Variants in LPA observed in about 807,000 individuals in gnomAD.
The protein encoded by LPA is apolipoprotein(a).
LPA carries 199 observed loss-of-function variants against 197.9 expected under a neutral mutation model. That is an observed-to-expected ratio of 1.01 (90% CI 0.90 to 1.13). The LOEUF is 1.13. Ranked by LOEUF, LPA falls within the 50% of genes most tolerant of loss-of-function variation. The pLI is 0.00. For synonymous variants in LPA, 715 were observed against 639.5 expected (o/e 1.12, Z -1.78); for missense variants, 1,853 against 1,785.8 (o/e 1.04, Z -0.68).
intron 37 of LPA, among the ~76,000 whole-genome samples, chr6:160,537,148 G>A (rs150380690): frequency 6.6e-6 from 1 of 152,310 alleles, no homozygotes; most frequent in Non-Finnish European, 1.5e-5. Flanking sequence ...AGGGGGTAAG[G>A]CTGACGGATA....
chr6:160,599,248 C>A (rs542727680), intron 20 of LPA, among the ~76,000 whole-genome samples: 6 of 152,230 alleles, frequency 3.9e-5, no homozygotes, highest in South Asian at 2.1e-4. Flanking sequence ...GAGGCTGAAG[C>A]AGGAGAATGG....
intron 2 of LPA, among the ~76,000 whole-genome samples, chr6:160,647,078 T>C (rs999945614): frequency 6.6e-6 from 1 of 152,226 alleles, no homozygotes; most frequent in Admixed American, 6.5e-5. Flanking sequence ...CCAGGCAGAA[T>C]GCAGTATCTC....
At position 160,563,558 on chromosome 6, in the gene LPA, C is replaced by T. The variant is rs1186031880; in HGVS notation, c.4632-5987G>A. Among the ~76,000 whole-genome samples, 4 of 152,176 alleles carry T rather than the reference C, an allele frequency of 2.6e-5. No individual in the cohort carries two copies. The East Asian group carries it at 5.8e-4, about 22-fold the overall frequency. ...TGTATATTCTGTTGATTTGTGGTGT[C>T]GAGTTCTGTAGATGTCTATTAGGTC... On this transcript the variant is annotated intron_variant, in intron 28 of 38. Coordinates refer to ENST00000316300, the MANE Select transcript of LPA (RefSeq NM_005577.4).
chr6:160,590,379 C>T lies in LPA; in HGVS notation c.3787+565G>A, dbSNP rs41272070. 3.7e-3 allele frequency among the ~76,000 whole-genome samples: 556 copies of T among 152,234 alleles called. 2 individuals are homozygous for T. The highest frequency in any genetic ancestry group is 6.0e-3 in the Non-Finnish European group (409 of 68,012). ...GGAGGGGCAAGAACACTAAGAAATC[C>T]CTTCCATCAAAGCCTAGGTGTGCAG... On this transcript the variant is annotated intron_variant, in intron 23 of 38. Transcript: ENST00000316300.
chr6:160,649,308 T>C (rs1779961614), intron 2 of LPA, among the ~76,000 whole-genome samples: 1 of 152,200 alleles, frequency 6.6e-6, no homozygotes, highest in Non-Finnish European at 1.5e-5. Flanking sequence ...CCATTGTAGT[T>C]GCTGCTCTTC....
intron 18 of LPA, among the ~76,000 whole-genome samples, chr6:160,603,050 C>A (rs953828468): frequency 3.1e-5 from 4 of 128,656 alleles, no homozygotes; most frequent in East Asian, 2.4e-4. Context: ...CTTCTTGAAT[C>A]TGTGGTTTTT....
intron 28 of LPA, among the ~76,000 whole-genome samples, chr6:160,576,458 G>A (rs1402356347): frequency 7.4e-6 from 1 of 135,596 alleles, no homozygotes. Context: ...ATATTTGTGT[G>A]TGTAAATGAA....
Position 160,545,381 on chromosome 6 carries a change from T to TG in LPA, c.5398+58_5398+59insC, listed in dbSNP as rs1778050416. 3.9e-6 allele frequency: 5 copies of TG among 1,298,064 alleles called. No homozygotes were observed. In the South Asian group the frequency reaches 4.7e-5, roughly 12 times the overall value. 80.4% of individuals were successfully genotyped at this position (1,298,064 alleles called of 1,614,324 possible). ...AGCCATTTTCTGTTTTTTTTGCTTT[T>TG]TTTTTTCCAAATCCATATTAAGGAA... On this transcript the variant is annotated intron_variant, in intron 33 of 38. Coordinates refer to ENST00000316300, the MANE Select transcript of LPA (RefSeq NM_005577.4).
At chr6:160,595,235 C>G (rs1316041024) in intron 21 of LPA, 119 bp downstream of exon 21, 2 of 1,301,358 alleles carry the variant, frequency 1.5e-6, no homozygotes, top group Middle Eastern at 1.8e-4. Context: ...GTGGCTGACC[C>G]TGAGTCCACA....
chr6:160,557,553 G>A lies in LPA; in HGVS notation c.4650C>T (p.Tyr1550=). 1 of 1,614,056 alleles carries A rather than the reference G, an allele frequency of 6.2e-7. No individual in the cohort carries two copies. The highest frequency in any genetic ancestry group is 8.5e-7 in the Non-Finnish European group (1 of 1,179,982). ...NYPNAGLTEN[Y]CRNPDSGKQP... is the part of the protein sequence containing the mutation. ...GTTTCCCAGAATCTGGATTCCTGCA[G>A]TAGTTCTCGGTCAGGCCACTGCAAA... is the stretch of plus-strand genomic sequence containing the variant. Residue 1550 remains tyrosine (Y), a synonymous_variant, in exon 29 of 39, where the codon TAC becomes TAT. Coordinates refer to ENST00000316300, the MANE Select transcript of LPA (RefSeq NM_005577.4).
intron 1 of LPA, among the ~76,000 whole-genome samples, chr6:160,657,706 C>A (rs559126477): frequency 6.6e-6 from 1 of 152,208 alleles, no homozygotes; most frequent in African/African-American, 2.4e-5. Context: ...CCTATCAGAA[C>A]CTTTTCTAAG....
At chr6:160,654,098 A>T (rs139393625) in intron 1 of LPA, among the ~76,000 whole-genome samples, 2,732 of 38,428 alleles carry the variant, frequency 0.071, 355 homozygotes, top group African/African-American at 0.27. Flanking sequence ...TATTATATAT[A>T]ATATAATATA....
intron 16 of LPA, among the ~76,000 whole-genome samples, chr6:160,610,731 T>G (rs139920818): frequency 1.3e-5 from 2 of 152,128 alleles, no homozygotes; most frequent in Non-Finnish European, 2.9e-5. Flanking sequence ...TCTGCTCAGC[T>G]AGATGGCTAC....
At chr6:160,566,979 C>T (rs1778467790) in intron 28 of LPA, among the ~76,000 whole-genome samples, 2 of 152,152 alleles carry the variant, frequency 1.3e-5, no homozygotes, top group South Asian at 4.1e-4. Flanking sequence ...TACAGGAGCA[C>T]CTAGATTCAT....
chr6:160,602,507 C>T (rs1779263764), intron 18 of LPA, among the ~76,000 whole-genome samples: 1 of 152,168 alleles, frequency 6.6e-6, no homozygotes, highest in South Asian at 2.1e-4. Flanking sequence ...AGTCAACTCT[C>T]ATTTAAAAAG....
chr6:160,585,249 G>A, intron 25 of LPA, 44 bp from the exon 26 acceptor site: 2 of 1,607,216 alleles, frequency 1.2e-6, no homozygotes, highest in Non-Finnish European at 1.7e-6. Flanking sequence ...GCCTAGAAAA[G>A]GGAAATGTGA....
At chr6:160,606,351 A>G in intron 17 of LPA, 126 bp downstream of exon 17, 3 of 1,385,546 alleles carry the variant, frequency 2.2e-6, no homozygotes, top group Non-Finnish European at 3.0e-6. Context: ...GCTTCCTCCT[A>G]CATGACAGAA....
chr6:160,547,890 T>C lies in LPA; in HGVS notation c.5203A>G (p.Thr1735Ala), dbSNP rs374247269. The change falls in exon 32 of 39, where the codon ACT (threonine) becomes GCT (alanine). Residue 1735 changes from threonine to alanine, a missense_variant. Thr to Ala is a moderately conservative substitution (Grantham distance 58, BLOSUM62 0). This residue lies in a region of LPA where 1,737 missense variants were observed against 1,504.4 expected (regional missense o/e 1.15). Coordinates refer to ENST00000316300, the MANE Select transcript of LPA (RefSeq NM_005577.4). ...GKGYRGKKAT[T>A]VTGTPCQEWA... ...TCCTGGCATGGCGTCCCAGTAACAG[T>C]GGTTGCCTTCTTGCCCCGGTATCCT... The C allele has an allele frequency of 1.2e-4, 198 of 1,613,964 alleles. No individual in the cohort carries two copies. Among genetic ancestry groups the C allele is most frequent in the Non-Finnish European group, 1.6e-4 (187 of 1,180,004 alleles).
chr6:160,608,495 T>C (rs529595315), intron 16 of LPA, among the ~76,000 whole-genome samples: 2 of 152,286 alleles, frequency 1.3e-5, no homozygotes, highest in South Asian at 2.1e-4. Flanking sequence ...AGCTTGTTTT[T>C]CCCCAGTTTC....
Sources: allele counts gnomAD v4.1 joint callset (sites outside exome capture counted in the v4.1 genomes callset), GRCh38; gene constraint gnomAD v4.1.1; regional missense constraint gnomAD v4.1.1; transcripts MANE v1.5; gene names NCBI Gene and HGNC (gene_info 2026-07-23, HGNC 2026-07-21).